PPARD: variants seen among roughly 807,000 people sequenced by gnomAD.
PPARD encodes the protein peroxisome proliferator-activated receptor delta.
Under a neutral mutation model 39.5 loss-of-function variants are expected in PPARD, and 6 were observed. The ratio of observed to expected loss-of-function variants is 0.15; its 90% CI spans 0.08 to 0.30. The LOEUF (loss-of-function observed/expected upper bound fraction) is 0.30, where lower values mean the gene tolerates loss of function less well. Among genes scored for constraint, PPARD ranks in the 10% least tolerant of loss-of-function variants. The probability of loss-of-function intolerance (pLI) is 1.00; values close to 1 mark genes in which losing one functional copy is unlikely to be tolerated. For missense variants in PPARD, 397 were observed against 596.8 expected, an observed-to-expected ratio of 0.67 and a Z score of 3.49; for synonymous variants, 210 against 231.3, an observed-to-expected ratio of 0.91 and a Z score of 0.83.
intron 2 of PPARD, among the ~76,000 whole-genome samples, chr6:35,394,496 C>T (rs1764198482): frequency 6.6e-6 from 1 of 152,114 alleles, no homozygotes; most frequent in South Asian, 2.1e-4. Context: ...AGCAGCCGGG[C>T]ATGATGACTC....
chr6:35,365,196 G>T (rs1446163027), intron 2 of PPARD, among the ~76,000 whole-genome samples: 2 of 139,082 alleles, frequency 1.4e-5, no homozygotes, highest in Non-Finnish European at 3.0e-5. Context: ...GCAGTGGCGC[G>T]ATCTCAGCTC....
intron 2 of PPARD, among the ~76,000 whole-genome samples, chr6:35,358,878 TCTC>T (rs1305317451): frequency 2.6e-5 from 4 of 152,178 alleles, no homozygotes; most frequent in South Asian, 2.1e-4. Flanking sequence ...AGATAAAAAA[TCTC>T]CTGCTCTCGT....
chr6:35,397,934 AG>A (rs764441557), intron 2 of PPARD, among the ~76,000 whole-genome samples: 13 of 152,012 alleles, frequency 8.6e-5, no homozygotes, highest in African/African-American at 2.2e-4. Context: ...GTAACTGGGG[AG>A]GGGGAAGAAC....
At position 35,424,832 on chromosome 6, in the gene PPARD, G is replaced by C; in HGVS notation, c.1078+53G>C. 6.3e-7 allele frequency: 1 copy of C among 1,585,516 alleles called. No homozygotes were observed. Among genetic ancestry groups the C allele is most frequent in the Non-Finnish European group, 8.6e-7 (1 of 1,166,364 alleles). Reference sequence around the variant, plus strand: ...GCCTGGCACACCCAGTCGTCCTGGGGGTTGGCCCTCACTGCAGGGCACTGT... The same window carrying C: ...GCCTGGCACACCCAGTCGTCCTGGGCGTTGGCCCTCACTGCAGGGCACTGT... On this transcript the variant is annotated intron_variant, in intron 7 of 7. Coordinates refer to ENST00000360694, the MANE Select transcript of PPARD (RefSeq NM_006238.5). This position sits in a 1 kb window ranked among gnomAD's most constrained non-coding sequence, Gnocchi z 7.1.
chr6:35,405,162 A>T (rs1764954610), intron 2 of PPARD, among the ~76,000 whole-genome samples: 1 of 151,934 alleles, frequency 6.6e-6, no homozygotes, highest in Middle Eastern at 3.2e-3. Context: ...AGTTCAAGCG[A>T]TTCTCTTGCC....
At chr6:35,407,644 C>T (rs1765142157) in intron 2 of PPARD, among the ~76,000 whole-genome samples, 1 of 150,384 alleles carries the variant, frequency 6.6e-6, no homozygotes, top group Non-Finnish European at 1.5e-5. Flanking sequence ...CACATGTACC[C>T]TAAAACTTAA....
At chr6:35,362,056 A>G (rs772302912) in intron 2 of PPARD, among the ~76,000 whole-genome samples, 22 of 152,214 alleles carry the variant, frequency 1.4e-4, no homozygotes, top group Non-Finnish European at 2.9e-4. Flanking sequence ...CTGAGGAGAA[A>G]AAAGTAATAT....
chr6:35,396,044 C>T (rs1435412573), intron 2 of PPARD, among the ~76,000 whole-genome samples: 1 of 152,080 alleles, frequency 6.6e-6, no homozygotes, highest in Admixed American at 6.5e-5. Context: ...TTTGGTATGA[C>T]CTGCTTACCC....
rs1305361628 is a variant in PPARD at position 35,383,718 on chromosome 6, A to G, written c.-101-27269A>G. Reference sequence around the variant, plus strand: ...ATGTGAGGAGCACCTCTGCCCGGCCACGACCCCGTCTGGGAGGTGAGGAGC... The same window carrying G: ...ATGTGAGGAGCACCTCTGCCCGGCCGCGACCCCGTCTGGGAGGTGAGGAGC... On this transcript the variant is annotated intron_variant, in intron 2 of 7. Transcript: ENST00000360694. Among the ~76,000 whole-genome samples, 8 of 133,794 alleles carry G rather than the reference A, an allele frequency of 6.0e-5. No homozygotes were observed. The East Asian group carries it at 8.8e-4, about 15-fold the overall frequency. The allele number at this position is 133,794 out of a possible 152,430, so 87.8% of individuals were successfully genotyped here.
Position 35,427,758 on chromosome 6 carries a change from C to T in PPARD, c.*1679C>T, listed in dbSNP as rs1430671063. 6.6e-6 allele frequency: 1 copy of T among 152,576 alleles called. No individual in the cohort carries two copies. The highest frequency in any genetic ancestry group is 2.4e-5 in the African/African-American group (1 of 41,456). The allele number at this position is 152,576 out of a possible 1,614,324, so 9.5% of individuals were successfully genotyped here. On this transcript the variant is annotated 3_prime_UTR_variant, in exon 8 of 8. Transcript: ENST00000360694. ...AGGAGAACTGGGGTTCAAGCCCAGGCTTCCTGGGTCCTGCCTGGTCCTCCC... is the reference window on the plus strand; with the variant it reads ...AGGAGAACTGGGGTTCAAGCCCAGGTTTCCTGGGTCCTGCCTGGTCCTCCC...
chr6:35,362,812 C>A (rs1360548847), intron 2 of PPARD, among the ~76,000 whole-genome samples: 1 of 152,122 alleles, frequency 6.6e-6, no homozygotes, highest in Non-Finnish European at 1.5e-5. Flanking sequence ...GAAAATGTGT[C>A]TCAGTGGCAC....
At chr6:35,397,257 C>A (rs1764390242) in intron 2 of PPARD, among the ~76,000 whole-genome samples, 1 of 145,274 alleles carries the variant, frequency 6.9e-6, no homozygotes, top group Admixed American at 7.3e-5. Flanking sequence ...GCCTTGGGAT[C>A]TGCTCAGCAA....
At chr6:35,350,069 A>T (rs1582269296) in intron 2 of PPARD, among the ~76,000 whole-genome samples, 1 of 152,124 alleles carries the variant, frequency 6.6e-6, no homozygotes. Context: ...AGAAATGTCT[A>T]TTAAAATCTT....
At chr6:35,398,130 A>G (rs1001952842) in intron 2 of PPARD, among the ~76,000 whole-genome samples, 2 of 152,164 alleles carry the variant, frequency 1.3e-5, no homozygotes, top group African/African-American at 4.8e-5. Flanking sequence ...TGTGATAGGA[A>G]GCTCCAGGAA....
chr6:35,362,466 T>G (rs1465909379), intron 2 of PPARD, among the ~76,000 whole-genome samples: 1 of 150,478 alleles, frequency 6.6e-6, no homozygotes, highest in African/African-American at 2.5e-5. Context: ...TTTCCTTCCA[T>G]ACAAATCCAG....
chr6:35,365,130 C>CCTTTTT (rs1281072287), intron 2 of PPARD, among the ~76,000 whole-genome samples: 17 of 121,086 alleles, frequency 1.4e-4, no homozygotes, highest in African/African-American at 5.2e-4. Context: ...CTTCCTTATT[C>CCTTTTT]TTTTTTTTTT....
intron 2 of PPARD, among the ~76,000 whole-genome samples, chr6:35,387,360 A>C (rs894254692): frequency 6.6e-6 from 1 of 152,190 alleles, no homozygotes; most frequent in Non-Finnish European, 1.5e-5. Flanking sequence ...GCTGGGGAGC[A>C]CTGTGGTGGT....
intron 2 of PPARD, among the ~76,000 whole-genome samples, chr6:35,347,584 AATAT>A (rs112387803): frequency 6.8e-6 from 1 of 147,234 alleles, no homozygotes. Flanking sequence ...TTAGGGGGCA[AATAT>A]ATATATATAT....
Position 35,421,968 on chromosome 6 carries a change from G to T in PPARD, c.424+10G>T. 1 of 1,596,452 alleles carries T rather than the reference G, an allele frequency of 6.3e-7. No individual in the cohort carries two copies. Among genetic ancestry groups the T allele is most frequent in the South Asian group, 1.1e-5 (1 of 89,456 alleles). ...GGCATGTCACACAACGGTGAGAGCT[G>T]ACCAGGGCAACTCACGGGCTGCTGG... On this transcript the variant is annotated intron_variant, in intron 5 of 7. Coordinates refer to ENST00000360694, the MANE Select transcript of PPARD (RefSeq NM_006238.5).
Sources: allele counts gnomAD v4.1 joint callset (sites outside exome capture counted in the v4.1 genomes callset), GRCh38; gene constraint gnomAD v4.1.1; non-coding constraint Gnocchi (gnomAD v3.1); transcripts MANE v1.5; gene names NCBI Gene and HGNC (gene_info 2026-07-23, HGNC 2026-07-21).